Variants in SLC25A30 observed in about 807,000 individuals in gnomAD.
The protein encoded by SLC25A30 is kidney mitochondrial carrier protein 1.
In SLC25A30, 29 loss-of-function variants were observed where a neutral mutation model predicts 42.7. That is an observed-to-expected ratio of 0.68 (90% CI 0.51 to 0.93). The LOEUF is 0.93. Among genes scored for constraint, SLC25A30 ranks in the 40% least tolerant of loss-of-function variants. The probability of loss-of-function intolerance (pLI) is 0.00; values close to 1 mark genes in which losing one functional copy is unlikely to be tolerated. For missense variants in SLC25A30, 300 were observed against 359.7 expected (o/e 0.83, Z 1.34); for synonymous variants, 124 against 131.0 (o/e 0.95, Z 0.37).
upstream of SLC25A30, chr13:45,420,137 G>A (rs556047277): frequency 2.0e-5 from 3 of 152,298 alleles, no homozygotes; most frequent in South Asian, 6.2e-4. Context: ...ACAAAGAAAT[G>A]TTATTTCCAT....
the SLC25A30 span, among the ~76,000 whole-genome samples, chr13:45,426,854 G>A: frequency 6.6e-5 from 10 of 152,078 alleles, no homozygotes; most frequent in Non-Finnish European, 1.2e-4. Flanking sequence ...TTCCCTACGA[G>A]GATAATTTCT....
chr13:45,394,495 C>T lies in SLC25A30; in HGVS notation c.*1479G>A. On this transcript the variant is annotated 3_prime_UTR_variant, in exon 10 of 10. Coordinates refer to ENST00000519676, the MANE Select transcript of SLC25A30 (RefSeq NM_001010875.4). ...GAGAATGCCCTGGAGCCCCAGCTAA[C>T]ATGTATTTAATGTTGTTCTCAAAGG... 3.0e-6 allele frequency: 3 copies of T among 985,374 alleles called. No homozygotes were observed. The highest frequency in any genetic ancestry group is 2.4e-6 in the Non-Finnish European group (2 of 829,948). 61.0% of individuals were successfully genotyped at this position (985,374 alleles called of 1,614,324 possible).
upstream of SLC25A30, among the ~76,000 whole-genome samples, chr13:45,419,110 G>C (rs1883792761): frequency 8.0e-6 from 1 of 125,460 alleles, no homozygotes; most frequent in Non-Finnish European, 1.6e-5. Flanking sequence ...CAGCCTGGGC[G>C]ACAAAGTGAT....
At chr13:45,423,407 T>C, upstream of SLC25A30, among the ~76,000 whole-genome samples, 1 of 149,596 alleles carries the variant, frequency 6.7e-6, no homozygotes, top group Admixed American at 6.9e-5. Context: ...TTTACTTATT[T>C]TGGTATCTTT....
At chr13:45,397,831 C>T (rs1365078055) in intron 8 of SLC25A30, 1 of 955,340 alleles carries the variant, frequency 1.0e-6, no homozygotes, top group East Asian at 1.2e-4. Flanking sequence ...CCATGCCCAA[C>T]AACCCCACAC....
chr13:45,429,716 T>A, the SLC25A30 span, among the ~76,000 whole-genome samples: 2 of 151,634 alleles, frequency 1.3e-5, no homozygotes, highest in African/African-American at 4.9e-5. Context: ...GTGCCTATAG[T>A]CCCAGCTACT....
At position 45,394,621 on chromosome 13, in the gene SLC25A30, G is replaced by C; in HGVS notation, c.*1353C>G. ...TCACAGTCATCTTTTATTTTGAAAA[G>C]ACTAAGATGAAGACAAGAAGGAAGA... On this transcript the variant is annotated 3_prime_UTR_variant, in exon 10 of 10. Coordinates refer to ENST00000519676, the MANE Select transcript of SLC25A30 (RefSeq NM_001010875.4). 1.0e-6 allele frequency: 1 copy of C among 985,338 alleles called. No individual in the cohort carries two copies. The highest frequency in any genetic ancestry group is 1.2e-6 in the Non-Finnish European group (1 of 829,910). The allele number at this position is 985,338 out of a possible 1,614,324, so 61.0% of individuals were successfully genotyped here.
chr13:45,433,913 T>C, the SLC25A30 span, among the ~76,000 whole-genome samples: 2 of 152,234 alleles, frequency 1.3e-5, no homozygotes, highest in Non-Finnish European at 2.9e-5. Flanking sequence ...TTGTTCACAC[T>C]GTTCATAACC....
At chr13:45,412,004 C>G (rs539567656) in intron 1 of SLC25A30, 1 of 4,242 alleles carries the variant, frequency 2.4e-4, no homozygotes, top group Non-Finnish European at 5.6e-4. Flanking sequence ...TGAGTCCTTA[C>G]TGGGGGTGGG....
chr13:45,425,395 T>C, the SLC25A30 span, among the ~76,000 whole-genome samples: 1 of 112,130 alleles, frequency 8.9e-6, no homozygotes, highest in African/African-American at 3.6e-5. Context: ...TATGAAAATA[T>C]ATATGTATAT....
At chr13:45,400,345 C>A (rs59255883) in intron 7 of SLC25A30, among the ~76,000 whole-genome samples, 1 of 151,718 alleles carries the variant, frequency 6.6e-6, no homozygotes, top group South Asian at 2.1e-4. Flanking sequence ...TCACTTGAGC[C>A]CAGGAGGTAG....
At chr13:45,423,818 A>ATAAATATATATTTATATATATAAATATG in the SLC25A30 span, among the ~76,000 whole-genome samples, 1 of 81,508 alleles carries the variant, frequency 1.2e-5, no homozygotes, top group Non-Finnish European at 2.1e-5. Flanking sequence ...ATATAAAAAT[A>ATAAATATATATTTATATATATAAATATG]TAAATATATA....
chr13:45,401,279 G>T, intron 6 of SLC25A30, 72 bp from the exon 7 acceptor site: 1 of 1,478,180 alleles, frequency 6.8e-7, no homozygotes. Flanking sequence ...AATGTGCAAA[G>T]GTTCTAATCC....
intron 2 of SLC25A30, among the ~76,000 whole-genome samples, chr13:45,409,793 A>C (rs1282872590): frequency 1.3e-5 from 2 of 152,216 alleles, no homozygotes; most frequent in African/African-American, 4.8e-5. Context: ...AGGGTGACAG[A>C]GTGAGACTCT....
chr13:45,423,378 T>A (rs1253009558), upstream of SLC25A30, among the ~76,000 whole-genome samples: 1 of 150,282 alleles, frequency 6.7e-6, no homozygotes, highest in Non-Finnish European at 1.5e-5. Flanking sequence ...GTTTATTTAA[T>A]TTTACGTTAC....
In SLC25A30 at chr13:45,402,290, T is replaced by C. The variant is rs1440058008; in HGVS notation, c.474A>G (p.Thr158=). 1 of 1,613,690 alleles carries C rather than the reference T, an allele frequency of 6.2e-7. No individual in the cohort carries two copies. The highest frequency in any genetic ancestry group is 8.5e-7 in the Non-Finnish European group (1 of 1,179,598). Residue 158 remains threonine, a synonymous_variant, in exon 6 of 10, where the codon ACA becomes ACG. Coordinates refer to ENST00000519676, the MANE Select transcript of SLC25A30 (RefSeq NM_001010875.4). Reference sequence around the variant, plus strand: ...TCTGGCTTACCTTCCACAGTCCTCTTGTCCCCTCTTGCTGGTAAATGTTCA... The same window carrying C: ...TCTGGCTTACCTTCCACAGTCCTCTCGTCCCCTCTTGCTGGTAAATGTTCA... ...NFMNIYQQEG[T]RGLWKGVSLT...
chr13:45,423,600 T>TAA, the SLC25A30 span, among the ~76,000 whole-genome samples: 5 of 106,004 alleles, frequency 4.7e-5, no homozygotes, highest in Non-Finnish European at 8.8e-5. Flanking sequence ...AATATATATA[T>TAA]ATATAAATAT....
chr13:45,425,279 A>T, the SLC25A30 span, among the ~76,000 whole-genome samples: 4 of 103,138 alleles, frequency 3.9e-5, no homozygotes, highest in African/African-American at 1.7e-4. Context: ...TATACATATA[A>T]ATATATGTAC....
chr13:45,401,198 G>A lies in SLC25A30; in HGVS notation c.499C>T (p.Leu167Phe), dbSNP rs1392759276. 1 of 1,613,920 alleles carries A rather than the reference G, an allele frequency of 6.2e-7. No homozygotes were observed. The highest frequency in any genetic ancestry group is 8.5e-7 in the Non-Finnish European group (1 of 1,179,930). ...GTRGLWKGVS[L>F]TAQRAAIVVG... is the part of the protein sequence containing the mutation. Reference sequence around the variant, plus strand: ...ACAATAGCAGCCCTCTGCGCAGTAAGGGACACACCCTGGGTAAAAATATTA... The same window carrying A: ...ACAATAGCAGCCCTCTGCGCAGTAAAGGACACACCCTGGGTAAAAATATTA... Residue 167 changes from leucine to phenylalanine, a missense_variant, in exon 7 of 10, where the codon CTT becomes TTT. By Grantham distance (22) the Leu-to-Phe change is conservative. Transcript: ENST00000519676.
Sources: allele counts gnomAD v4.1 joint callset (sites outside exome capture counted in the v4.1 genomes callset), GRCh38; gene constraint gnomAD v4.1.1; transcripts MANE v1.5; gene names NCBI Gene and HGNC (gene_info 2026-07-23, HGNC 2026-07-21).